TXLNB: variants seen among roughly 807,000 people sequenced by gnomAD.
TXLNB encodes taxilin beta.
Under a neutral mutation model 57.4 loss-of-function variants are expected in TXLNB, and 37 were observed. The ratio of observed to expected loss-of-function variants is 0.64; its 90% CI spans 0.50 to 0.85. The LOEUF is 0.85. TXLNB is among the 40% of genes least tolerant of loss of function. The pLI is 0.00. For missense variants in TXLNB, 848 were observed against 825.6 expected (o/e 1.03, Z -0.33); for synonymous variants, 302 against 309.6 (o/e 0.98, Z 0.26).
At chr6:139,319,651 C>T in the TXLNB span, among the ~76,000 whole-genome samples, 2 of 152,058 alleles carry the variant, frequency 1.3e-5, no homozygotes, top group Admixed American at 1.3e-4. Context: ...TGTGTACCAG[C>T]TATTTGGGAG....
the TXLNB span, among the ~76,000 whole-genome samples, chr6:139,208,129 C>A: frequency 6.6e-6 from 1 of 152,092 alleles, no homozygotes; most frequent in Middle Eastern, 3.4e-3. Flanking sequence ...GCCAATACCA[C>A]AGAAATACAA....
the TXLNB span, among the ~76,000 whole-genome samples, chr6:139,204,905 T>C: frequency 3.9e-5 from 6 of 152,052 alleles, no homozygotes; most frequent in Non-Finnish European, 8.8e-5. Context: ...CTATGGAACA[T>C]TATCCCGATG....
chr6:139,166,975 C>A, the TXLNB span: 1 of 1,614,238 alleles, frequency 6.2e-7, no homozygotes, highest in African/African-American at 1.3e-5. Context: ...GAAATGCCCA[C>A]TTTGATTACA....
the TXLNB span, among the ~76,000 whole-genome samples, chr6:139,162,668 G>A: frequency 6.6e-6 from 1 of 152,222 alleles, no homozygotes; most frequent in Non-Finnish European, 1.5e-5. Flanking sequence ...CACACCTGAA[G>A]GGGATAATTG....
At chr6:139,195,776 T>C in the TXLNB span, among the ~76,000 whole-genome samples, 1 of 152,184 alleles carries the variant, frequency 6.6e-6, no homozygotes, top group African/African-American at 2.4e-5. Context: ...AAAAGCTCAG[T>C]GATGACTTTG....
the TXLNB span, among the ~76,000 whole-genome samples, chr6:139,193,841 T>TATATATATATATATA: frequency 3.9e-5 from 1 of 25,750 alleles, no homozygotes; most frequent in Non-Finnish European, 9.1e-5. Context: ...TATATATATA[T>TATATATATATATATA]TTTTTTTTTT....
the TXLNB span, among the ~76,000 whole-genome samples, chr6:139,301,756 G>A: frequency 3.9e-5 from 6 of 152,096 alleles, no homozygotes; most frequent in Admixed American, 3.9e-4. Flanking sequence ...ACAGTAACTT[G>A]ATATAGATAA....
rs1036212312 is a variant in TXLNB at position 139,242,615 on chromosome 6, G to T, written c.1966C>A (p.Arg656=). 5 of 1,593,972 alleles carry T rather than the reference G, an allele frequency of 3.1e-6. No individual in the cohort carries two copies. The highest frequency in any genetic ancestry group is 4.3e-6 in the Non-Finnish European group (5 of 1,171,056). The change falls in exon 10 of 10, where the codon CGA becomes AGA. Residue 656 remains arginine (R), a synonymous_variant. Transcript: ENST00000358430. ...PACEPSRQPP[R]AAAEELPVGA... The stretch of plus-strand genomic sequence containing the variant: ...ACTGGCAGCTCCTCTGCTGCTGCTC[G>T]TGGGGGCTGCCTACTGGGCTCGCAT...
At chr6:139,300,536 G>C in the TXLNB span, among the ~76,000 whole-genome samples, 2 of 152,140 alleles carry the variant, frequency 1.3e-5, no homozygotes. Context: ...ACCTGAACCT[G>C]TCTGCCTTTC....
intron 1 of TXLNB, 60 bp from the exon 2 acceptor site, chr6:139,288,973 C>T (rs1777245217): frequency 8.0e-7 from 1 of 1,253,880 alleles, no homozygotes; most frequent in African/African-American, 1.5e-5. Flanking sequence ...ATCAATGCTA[C>T]ATTTCAATGG....
intron 7 of TXLNB, 62 bp downstream of exon 7, chr6:139,255,502 C>A: frequency 6.8e-7 from 1 of 1,472,910 alleles, no homozygotes; most frequent in East Asian, 2.3e-5. Context: ...ACCTTTGGCC[C>A]CAGCCTTTTT....
At chr6:139,289,022 C>G in intron 1 of TXLNB, 109 bp from the exon 2 acceptor site, 1 of 780,916 alleles carries the variant, frequency 1.3e-6, no homozygotes, top group East Asian at 2.7e-5. Flanking sequence ...TAATTATAGT[C>G]TCTAACGTAG....
At chr6:139,214,754 A>G in the TXLNB span, among the ~76,000 whole-genome samples, 1 of 152,222 alleles carries the variant, frequency 6.6e-6, no homozygotes, top group South Asian at 2.1e-4. Context: ...AAATCTCCTT[A>G]AGCTGATAAG....
the TXLNB span, among the ~76,000 whole-genome samples, chr6:139,299,074 TTAAA>T: frequency 7.9e-5 from 12 of 152,280 alleles, no homozygotes; most frequent in Non-Finnish European, 1.5e-4. Context: ...AATATCTTCT[TTAAA>T]TAAACAACCC....
At chr6:139,302,609 CAAAA>C in the TXLNB span, among the ~76,000 whole-genome samples, 3 of 118,134 alleles carry the variant, frequency 2.5e-5, no homozygotes, top group African/African-American at 9.0e-5. Context: ...ACTAAAAATA[CAAAA>C]AAAAAAAAAA....
chr6:139,196,462 C>T, the TXLNB span, among the ~76,000 whole-genome samples: 11 of 145,992 alleles, frequency 7.5e-5, no homozygotes, highest in South Asian at 4.4e-4. Context: ...GCAACCTCTG[C>T]GTCCCAGGTT....
intron 7 of TXLNB, among the ~76,000 whole-genome samples, chr6:139,250,487 C>G (rs1412876562): frequency 6.6e-6 from 1 of 151,720 alleles, no homozygotes; most frequent in Non-Finnish European, 1.5e-5. Flanking sequence ...TGGGGACTGG[C>G]TACCTATCCT....
At chr6:139,225,057 C>T in the TXLNB span, among the ~76,000 whole-genome samples, 1 of 152,022 alleles carries the variant, frequency 6.6e-6, no homozygotes, top group African/African-American at 2.4e-5. Flanking sequence ...TCACTGTAAC[C>T]CACCTTGTTA....
At chr6:139,281,369 C>T (rs1777043652) in intron 2 of TXLNB, among the ~76,000 whole-genome samples, 1 of 152,082 alleles carries the variant, frequency 6.6e-6, no homozygotes, top group Non-Finnish European at 1.5e-5. Context: ...TTGCTTGTTT[C>T]GTTTGGTTTT....
Sources: gnomAD v4.1 joint callset for allele counts (sites outside exome capture counted in the v4.1 genomes callset) on GRCh38, gnomAD v4.1.1 for gene constraint, MANE v1.5 for transcripts, NCBI Gene and HGNC (gene_info 2026-07-23, HGNC 2026-07-21) for gene names.